The following ABCC1 variants were observed in gnomAD, a reference collection of about 807,000 sequenced individuals.
ABCC1 encodes the protein multidrug resistance-associated protein 1.
Under a neutral mutation model 172.9 loss-of-function variants are expected in ABCC1, and 83 were observed. The observed-to-expected ratio is 0.48, with a 90% confidence interval of 0.40 to 0.58. ABCC1 has a LOEUF of 0.58. ABCC1 is among the 20% of genes least tolerant of loss of function. ABCC1 has a pLI of 0.00. For missense variants in ABCC1, 1,817 were observed against 2,002.7 expected (o/e 0.91, Z 1.77); for synonymous variants, 937 against 825.2 (o/e 1.14, Z -2.32).
At chr16:16,062,697 C>G (rs1473269427) in intron 12 of ABCC1, among the ~76,000 whole-genome samples, 4 of 152,084 alleles carry the variant, frequency 2.6e-5, no homozygotes, top group African/African-American at 4.8e-5. Flanking sequence ...GCCTTTAGTT[C>G]CCCTGGAAGG....
At chr16:16,135,304 A>G (rs1333444397) in intron 28 of ABCC1, among the ~76,000 whole-genome samples, 1 of 152,300 alleles carries the variant, frequency 6.6e-6, no homozygotes, top group Non-Finnish European at 1.5e-5. Flanking sequence ...TAGTTTCTCA[A>G]CCATTACCCT....
rs2050886406 is a variant in ABCC1 at position 16,083,510 on chromosome 16, C to T, written c.2260C>T (p.Pro754Ser). 1.2e-6 allele frequency: 2 copies of T among 1,613,628 alleles called. No homozygotes were observed. The highest frequency in any genetic ancestry group is 1.1e-5 in the South Asian group (1 of 91,050). Residue 754 changes from proline (P) to serine (S), a missense_variant, in exon 17 of 31, where the codon CCC (proline) becomes TCC (serine). Physicochemically the swap from Pro to Ser is moderately conservative, Grantham distance 74 (BLOSUM62 -1). Transcript: ENST00000399410. ...CALLPDLEIL[P>S]SGDRTEIGEK... Reference sequence around the variant, plus strand: ...CCTCCTCCCAGACCTGGAAATCCTGCCCAGTGGGGATCGGACAGAGATTGG... The same window carrying T: ...CCTCCTCCCAGACCTGGAAATCCTGTCCAGTGGGGATCGGACAGAGATTGG...
At chr16:16,017,831 G>A (rs1033823301) in intron 5 of ABCC1, among the ~76,000 whole-genome samples, 2 of 152,136 alleles carry the variant, frequency 1.3e-5, no homozygotes, top group African/African-American at 4.8e-5. Flanking sequence ...GAGACCTAGA[G>A]GGGTGAGGTA....
chr16:16,019,043 G>A (rs769209239), intron 5 of ABCC1, among the ~76,000 whole-genome samples: 17 of 152,040 alleles, frequency 1.1e-4, no homozygotes, highest in Non-Finnish European at 7.4e-5. Flanking sequence ...TGGCAGCCGA[G>A]TGTCCCTGTT....
chr16:16,130,965 A>G (rs1027612010), intron 26 of ABCC1, among the ~76,000 whole-genome samples: 1 of 152,144 alleles, frequency 6.6e-6, no homozygotes, highest in Non-Finnish European at 1.5e-5. Flanking sequence ...TACTAAAAAT[A>G]CAAAAATTAG....
At chr16:16,132,044 C>T in intron 27 of ABCC1, 109 bp downstream of exon 27, 3 of 1,393,028 alleles carry the variant, frequency 2.2e-6, no homozygotes, top group Non-Finnish European at 2.9e-6. Flanking sequence ...GGCTCCACAC[C>T]TTTGCTTGAA....
At chr16:16,078,913 G>A (rs532952975) in intron 15 of ABCC1, among the ~76,000 whole-genome samples, 4 of 152,140 alleles carry the variant, frequency 2.6e-5, no homozygotes, top group South Asian at 2.1e-4. Flanking sequence ...TCCTGACCTC[G>A]TGATCCGCCT....
chr16:16,035,323 G>A (rs1281369178), intron 6 of ABCC1, among the ~76,000 whole-genome samples: 2 of 152,060 alleles, frequency 1.3e-5, no homozygotes, highest in Non-Finnish European at 2.9e-5. Flanking sequence ...CTAGAATACA[G>A]GAGGCAGAGG....
At chr16:16,043,842 T>A (rs991954131) in intron 7 of ABCC1, among the ~76,000 whole-genome samples, 3 of 152,226 alleles carry the variant, frequency 2.0e-5, no homozygotes, top group African/African-American at 7.2e-5. Flanking sequence ...CCCCAAGTGA[T>A]CCAGCCACCT....
chr16:16,129,984 C>T (rs545414257), intron 26 of ABCC1, among the ~76,000 whole-genome samples: 4 of 152,338 alleles, frequency 2.6e-5, no homozygotes, highest in African/African-American at 7.2e-5. Context: ...GTGCCCTGGA[C>T]GGGGAGGTGC....
chr16:16,111,184 C>T (rs1360062740), intron 21 of ABCC1, among the ~76,000 whole-genome samples, 191 bp from the exon 22 acceptor site: 3 of 152,338 alleles, frequency 2.0e-5, no homozygotes, highest in South Asian at 2.1e-4. Flanking sequence ...CAGGTGTGAG[C>T]CACGGCGCCT....
chr16:16,111,322 C>CTGGGGA, intron 21 of ABCC1, 53 bp from the exon 22 acceptor site: 2 of 1,532,726 alleles, frequency 1.3e-6, no homozygotes, highest in Non-Finnish European at 1.8e-6. Flanking sequence ...GGGGCTGGGG[C>CTGGGGA]TGGGGCTGGG....
At chr16:16,134,891 C>T (rs990155257) in intron 28 of ABCC1, among the ~76,000 whole-genome samples, 3 of 152,174 alleles carry the variant, frequency 2.0e-5, no homozygotes, top group Non-Finnish European at 4.4e-5. Context: ...ATCCACCCAC[C>T]TTGGCCTCCA....
At chr16:16,029,982 G>C (rs1324927665) in intron 5 of ABCC1, among the ~76,000 whole-genome samples, 1 of 152,100 alleles carries the variant, frequency 6.6e-6, no homozygotes, top group African/African-American at 2.4e-5. Context: ...TTTTAGCTGG[G>C]ATTTTTTTAT....
At chr16:15,979,581 G>A (rs1039041085) in intron 1 of ABCC1, among the ~76,000 whole-genome samples, 1 of 152,028 alleles carries the variant, frequency 6.6e-6, no homozygotes, top group African/African-American at 2.4e-5. Context: ...GTGCAACTCA[G>A]TTTAGTACAT....
chr16:15,954,489 CAG>C (rs1455953175), intron 1 of ABCC1, among the ~76,000 whole-genome samples: 1 of 151,982 alleles, frequency 6.6e-6, no homozygotes, highest in Non-Finnish European at 1.5e-5. Context: ...GGTGACATGA[CAG>C]GGTGCAAGGT....
Position 16,125,804 on chromosome 16 carries a change from T to TC in ABCC1, c.3718-5dup. ...TAGAAATGCCACGTGACTCTTCCAC[T>TC]CACAGGTCACCACGTACTTGAACTG... is the stretch of plus-strand genomic sequence containing the variant. On this transcript the variant is annotated splice_region_variant and splice_polypyrimidine_tract_variant and intron_variant, in intron 25 of 30. Transcript: ENST00000399410. 6.2e-7 allele frequency: 1 copy of TC among 1,610,166 alleles called. No individual in the cohort carries two copies. Among genetic ancestry groups the TC allele is most frequent in the Non-Finnish European group, 8.5e-7 (1 of 1,177,354 alleles).
At chr16:16,107,238 G>A (rs1487175830) in intron 21 of ABCC1, among the ~76,000 whole-genome samples, 1 of 152,128 alleles carries the variant, frequency 6.6e-6, no homozygotes, top group Non-Finnish European at 1.5e-5. Context: ...GATGGTGTCC[G>A]GTTGTGCACA....
chr16:16,036,123 C>T (rs910803523), intron 6 of ABCC1, among the ~76,000 whole-genome samples: 1 of 151,558 alleles, frequency 6.6e-6, no homozygotes, highest in Non-Finnish European at 1.5e-5. Flanking sequence ...GACCCTCTCT[C>T]CAAGTAAATA....
Sources: gnomAD v4.1 joint callset for allele counts (sites outside exome capture counted in the v4.1 genomes callset) on GRCh38, gnomAD v4.1.1 for gene constraint, MANE v1.5 for transcripts, NCBI Gene and HGNC (gene_info 2026-07-23, HGNC 2026-07-21) for gene names.